TTC23: variants seen among roughly 807,000 people sequenced by gnomAD.
TTC23 encodes the protein tetratricopeptide repeat protein 23.
TTC23 carries 58 observed loss-of-function variants against 55.1 expected under a neutral mutation model. The ratio of observed to expected loss-of-function variants is 1.05; its 90% confidence interval spans 0.85 to 1.31. The LOEUF (loss-of-function observed/expected upper bound fraction) is 1.31. TTC23 is among the 50% of genes most tolerant of loss of function. The pLI is 0.00. For synonymous variants in TTC23, 203 were observed against 199.9 expected (o/e 1.02, Z -0.13); for missense variants, 516 against 534.4 (o/e 0.97, Z 0.34).
chr15:99,206,452 G>A (rs993663394), intron 8 of TTC23, among the ~76,000 whole-genome samples: 2 of 152,124 alleles, frequency 1.3e-5, no homozygotes, highest in South Asian at 2.1e-4. Context: ...GCTTTTCTTT[G>A]ATGGAAGACA....
At chr15:99,146,573 GTCCAGACCCACAGTTCTGCACCTC>G (rs2068885757) in intron 12 of TTC23, among the ~76,000 whole-genome samples, 1 of 152,222 alleles carries the variant, frequency 6.6e-6, no homozygotes, top group Admixed American at 6.5e-5. Context: ...AGGATGGTCT[GTCCAGACCCACAGTTCTGCACCTC>G]TCCAGACCTT....
intron 9 of TTC23, among the ~76,000 whole-genome samples, chr15:99,186,862 T>C (rs868302918): frequency 6.6e-5 from 10 of 152,204 alleles, no homozygotes; most frequent in Admixed American, 2.6e-4. Flanking sequence ...ATTGTTAAGA[T>C]GTCAATACTT....
rs2077952606 is a variant in TTC23 at position 99,221,769 on chromosome 15, A to G, written c.276T>C (p.Asn92=). Residue 92 remains asparagine, a synonymous_variant, in exon 6 of 14, where the codon AAT becomes AAC. Coordinates refer to ENST00000394132, the MANE Select transcript of TTC23 (RefSeq NM_001288615.3). ...SHWKLAEAHV[N]LAQGYLQLKG... ...TCAGCTGGAGGTAGCCTTGAGCCAGATTAACATGTGCCTCTGCTAGTTTCC... is the reference window on the plus strand; with the variant it reads ...TCAGCTGGAGGTAGCCTTGAGCCAGGTTAACATGTGCCTCTGCTAGTTTCC... 1 of 1,614,016 alleles carries G rather than the reference A, an allele frequency of 6.2e-7. No homozygotes were observed. The highest frequency in any genetic ancestry group is 8.5e-7 in the Non-Finnish European group (1 of 1,180,008).
At chr15:99,177,527 A>G (rs1298871860) in intron 9 of TTC23, among the ~76,000 whole-genome samples, 1 of 152,160 alleles carries the variant, frequency 6.6e-6, no homozygotes, top group Non-Finnish European at 1.5e-5. Context: ...AAAAAGAGGA[A>G]ATACCCACAC....
chr15:99,187,515 A>G (rs533265948), intron 9 of TTC23, among the ~76,000 whole-genome samples: 1 of 151,494 alleles, frequency 6.6e-6, no homozygotes, highest in East Asian at 1.9e-4. Context: ...ATCAAAATGA[A>G]AAACTTTTGT....
chr15:99,220,517 A>G (rs2077834020), intron 6 of TTC23, among the ~76,000 whole-genome samples: 1 of 152,114 alleles, frequency 6.6e-6, no homozygotes, highest in South Asian at 2.1e-4. Flanking sequence ...ACTCAGACTC[A>G]TTGTTTTCCC....
chr15:99,238,936 T>C (rs34258129), intron 3 of TTC23, among the ~76,000 whole-genome samples: 13,950 of 152,222 alleles, frequency 0.092, 915 homozygotes, highest in East Asian at 0.32. Flanking sequence ...TTAAATCTTA[T>C]GGAAATAGCA....
chr15:99,225,726 A>G (rs1359194902), intron 5 of TTC23, among the ~76,000 whole-genome samples: 1 of 152,270 alleles, frequency 6.6e-6, no homozygotes, highest in Non-Finnish European at 1.5e-5. Flanking sequence ...TGTGACAAAC[A>G]TCATAGTAAT....
intron 6 of TTC23, among the ~76,000 whole-genome samples, chr15:99,220,222 A>G (rs1221170866): frequency 6.6e-6 from 1 of 152,216 alleles, no homozygotes; most frequent in Non-Finnish European, 1.5e-5. Flanking sequence ...TCTCAGCTGT[A>G]AACAGGGATA....
intron 12 of TTC23, among the ~76,000 whole-genome samples, chr15:99,154,797 G>C (rs1555498405): frequency 1.3e-5 from 2 of 152,028 alleles, no homozygotes; most frequent in African/African-American, 4.8e-5. Flanking sequence ...GAAATTGATG[G>C]ATACTTTCTT....
intron 6 of TTC23, 82 bp downstream of exon 6, chr15:99,221,659 C>T (rs2073110417): frequency 1.9e-6 from 3 of 1,553,956 alleles, no homozygotes; most frequent in Non-Finnish European, 1.8e-6. Context: ...AAACCTGATC[C>T]TTCTAATTAA....
intron 10 of TTC23, among the ~76,000 whole-genome samples, chr15:99,171,458 T>G (rs1473438459): frequency 6.6e-6 from 1 of 152,068 alleles, no homozygotes; most frequent in Admixed American, 6.5e-5. Flanking sequence ...TGAGCATGTC[T>G]GTGGAAGTAC....
intron 9 of TTC23, among the ~76,000 whole-genome samples, chr15:99,180,617 GC>G (rs1378925467): frequency 2.6e-5 from 4 of 152,332 alleles, no homozygotes; most frequent in Non-Finnish European, 5.9e-5. Flanking sequence ...ATTTCTGCAG[GC>G]AGACCCCATC....
At chr15:99,234,601 T>C (rs2079168884) in intron 4 of TTC23, among the ~76,000 whole-genome samples, 1 of 152,098 alleles carries the variant, frequency 6.6e-6, no homozygotes, top group South Asian at 2.1e-4. Flanking sequence ...CTCGATCTCC[T>C]GACCTCGTGA....
intron 9 of TTC23, among the ~76,000 whole-genome samples, chr15:99,178,033 T>A (rs2073765353): frequency 6.6e-6 from 1 of 152,116 alleles, no homozygotes; most frequent in South Asian, 2.1e-4. Context: ...ATAAAAAAAA[T>A]TAGCCAGGGG....
chr15:99,200,528 G>A (rs2076113869), intron 8 of TTC23, among the ~76,000 whole-genome samples: 1 of 152,206 alleles, frequency 6.6e-6, no homozygotes, highest in Admixed American at 6.5e-5. Flanking sequence ...ATCAAGGAAA[G>A]GATGCTGAGA....
intron 12 of TTC23, among the ~76,000 whole-genome samples, chr15:99,150,864 C>A (rs782051780): frequency 1.4e-4 from 22 of 152,210 alleles, no homozygotes; most frequent in Non-Finnish European, 2.8e-4. Flanking sequence ...CACCAGCAAC[C>A]CTACAGCCAG....
chr15:99,237,660 G>A (rs945846966), intron 3 of TTC23, among the ~76,000 whole-genome samples: 3 of 152,130 alleles, frequency 2.0e-5, no homozygotes, highest in Non-Finnish European at 4.4e-5. Context: ...TGACGGGGAC[G>A]GGACACAAGA....
chr15:99,191,192 T>C (rs1434209656), intron 9 of TTC23, among the ~76,000 whole-genome samples: 1 of 152,266 alleles, frequency 6.6e-6, no homozygotes, highest in East Asian at 1.9e-4. Context: ...TAATGCACTA[T>C]AAAGCCATAA....
Sources: gnomAD v4.1 joint callset for allele counts (sites outside exome capture counted in the v4.1 genomes callset) on GRCh38, gnomAD v4.1.1 for gene constraint, MANE v1.5 for transcripts, NCBI Gene and HGNC (gene_info 2026-07-23, HGNC 2026-07-21) for gene names.